Variants in GGNBP2 observed in about 807,000 individuals in gnomAD.
The protein encoded by GGNBP2 is gametogenetin binding protein 2.
A neutral mutation model predicts 85.9 loss-of-function variants in GGNBP2; 10 were observed. That is an observed-to-expected ratio of 0.12 (90% CI 0.07 to 0.20). The LOEUF (loss-of-function observed/expected upper bound fraction) is 0.20, where lower values mean the gene tolerates loss of function less well. Ranked by LOEUF, GGNBP2 falls within the 10% of genes least tolerant of loss-of-function variation. The pLI, the probability that GGNBP2 is intolerant of heterozygous loss-of-function variation, is 1.00. For synonymous variants in GGNBP2, 287 were observed against 285.7 expected (o/e 1.00, Z -0.05); for missense variants, 595 against 857.8 (o/e 0.69, Z 3.83).
At chr17:36,558,536 A>C (rs1045154819) in intron 4 of GGNBP2, among the ~76,000 whole-genome samples, 5 of 149,516 alleles carry the variant, frequency 3.3e-5, no homozygotes, top group African/African-American at 1.2e-4. Flanking sequence ...GCTCACTGCA[A>C]CCACTGCCTC....
chr17:36,572,067 A>T (rs1555606902), intron 6 of GGNBP2, among the ~76,000 whole-genome samples: 1 of 151,808 alleles, frequency 6.6e-6, no homozygotes, highest in Non-Finnish European at 1.5e-5. Flanking sequence ...AAAAAGTTTT[A>T]AAAAAGTCAT....
At chr17:36,587,785 G>T (rs1470475455) in intron 13 of GGNBP2, among the ~76,000 whole-genome samples, 1 of 152,168 alleles carries the variant, frequency 6.6e-6, no homozygotes, top group Non-Finnish European at 1.5e-5. Flanking sequence ...TACCCGGGAG[G>T]CTAAGGCAGG....
intron 7 of GGNBP2, 81 bp from the exon 8 acceptor site, chr17:36,579,164 A>T: frequency 8.1e-7 from 1 of 1,239,538 alleles, no homozygotes. Context: ...CATTGTGTTT[A>T]AAACCTGAAC....
At chr17:36,563,219 T>C (rs2074436999) in intron 5 of GGNBP2, among the ~76,000 whole-genome samples, 1 of 151,962 alleles carries the variant, frequency 6.6e-6, no homozygotes, top group South Asian at 2.1e-4. Flanking sequence ...TGAGCCAAGA[T>C]CGCACCATTG....
chr17:36,576,589 A>ATGTGTGTGTG (rs1375645555), intron 6 of GGNBP2: 1 of 41,406 alleles, frequency 2.4e-5, no homozygotes, highest in African/African-American at 1.1e-4. Flanking sequence ...AAAAAAATAT[A>ATGTGTGTGTG]TATATATGTG....
chr17:36,577,789 A>G (rs888425022), intron 6 of GGNBP2, 194 bp from the exon 7 acceptor site: 3 of 600,606 alleles, frequency 5.0e-6, no homozygotes, highest in Admixed American at 5.8e-5. Context: ...ATAATTTGCC[A>G]ATGAAGGTCT....
chr17:36,551,798 C>T (rs1294928098), intron 2 of GGNBP2, among the ~76,000 whole-genome samples: 1 of 151,944 alleles, frequency 6.6e-6, no homozygotes, highest in African/African-American at 2.4e-5. Context: ...TACTGCACTC[C>T]AGCCTAGGCA....
At chr17:36,578,348 A>T in intron 7 of GGNBP2, 162 bp downstream of exon 7, 2 of 556,774 alleles carry the variant, frequency 3.6e-6, no homozygotes, top group Non-Finnish European at 3.1e-6. Flanking sequence ...GCATTTCTTA[A>T]TTGACTGAAA....
chr17:36,585,257 T>C (rs773674238), intron 9 of GGNBP2, 43 bp from the exon 10 acceptor site: 83 of 1,539,228 alleles, frequency 5.4e-5, no homozygotes, highest in East Asian at 6.8e-5. Flanking sequence ...GTAGCTGTTA[T>C]GGAGTAAAGC....
chr17:36,586,935 TA>T (rs1227604912), intron 12 of GGNBP2, 61 bp from the exon 13 acceptor site: 252 of 1,213,568 alleles, frequency 2.1e-4, no homozygotes, highest in South Asian at 6.6e-4. Context: ...TTTTTTTTTT[TA>T]AAGAATAATT....
intron 12 of GGNBP2, 73 bp from the exon 13 acceptor site, chr17:36,586,917 CTTTTTTT>C: frequency 1.9e-6 from 2 of 1,069,452 alleles, no homozygotes. Flanking sequence ...CCGTGCCCCG[CTTTTTTT>C]TTTTTTTTTT....
chr17:36,574,654 G>T, intron 6 of GGNBP2: 1 of 596,966 alleles, frequency 1.7e-6, no homozygotes, highest in Non-Finnish European at 3.0e-6. Flanking sequence ...GGGCGGCAGT[G>T]TAGCCCCTGG....
At chr17:36,545,453 G>C (rs1331086485) in intron 1 of GGNBP2, 166 bp from the exon 2 acceptor site, 1 of 399,050 alleles carries the variant, frequency 2.5e-6, no homozygotes, top group Non-Finnish European at 4.4e-6. Context: ...CGCGAGGGGG[G>C]CGGGTCCCGG....
rs757500448 is a variant in GGNBP2 at position 36,587,154 on chromosome 17, A to G, written c.1799A>G (p.His600Arg). The G allele has an allele frequency of 8.1e-6, 13 of 1,614,118 alleles. No homozygotes were observed. The highest frequency in any genetic ancestry group is 1.6e-4 in the Middle Eastern group (1 of 6,062). Reference protein sequence around the residue: ...KGGQPLPWFEHRKNVPQFAEP... With the variant: ...KGGQPLPWFERRKNVPQFAEP... ...GGGCAGCCATTGCCTTGGTTTGAGC[A>G]TAGGAAAAATGTACCACAGTTTGCA... is the stretch of plus-strand genomic sequence containing the variant. Residue 600 changes from histidine to arginine, a missense_variant, in exon 13 of 14, where the codon CAT becomes CGT. By Grantham distance (29) the His-to-Arg change is conservative (BLOSUM62 0). This residue lies in a region of GGNBP2 where 120 missense variants were observed against 126.3 expected (regional missense o/e 0.95). Coordinates refer to ENST00000613102, the MANE Select transcript of GGNBP2 (RefSeq NM_024835.5).
At chr17:36,549,791 T>C (rs1417055355) in intron 2 of GGNBP2, among the ~76,000 whole-genome samples, 1 of 152,238 alleles carries the variant, frequency 6.6e-6, no homozygotes, top group Non-Finnish European at 1.5e-5. Flanking sequence ...TAGTTTTTGC[T>C]ATGAATAAAC....
intron 6 of GGNBP2, among the ~76,000 whole-genome samples, chr17:36,574,167 A>G (rs2074553671): frequency 6.6e-6 from 1 of 152,226 alleles, no homozygotes; most frequent in Non-Finnish European, 1.5e-5. Context: ...TAGACCACAT[A>G]TATGACAGTG....
chr17:36,570,297 G>T (rs1038222319), intron 6 of GGNBP2, among the ~76,000 whole-genome samples: 1 of 152,230 alleles, frequency 6.6e-6, no homozygotes, highest in African/African-American at 2.4e-5. Flanking sequence ...AGTATCACTT[G>T]AGCCCAGGAG....
At chr17:36,577,582 G>A (rs1420047386) in intron 6 of GGNBP2, 1 of 209,232 alleles carries the variant, frequency 4.8e-6, no homozygotes, top group South Asian at 6.9e-5. Context: ...TTCAGAGACT[G>A]GAAGGAGAGA....
At chr17:36,578,261 C>A in intron 7 of GGNBP2, 75 bp downstream of exon 7, 2 of 1,096,672 alleles carry the variant, frequency 1.8e-6, no homozygotes, top group Non-Finnish European at 2.7e-6. Flanking sequence ...TTATTTTCAT[C>A]ACCTTCTGCC....
Sources: allele counts gnomAD v4.1 joint callset (sites outside exome capture counted in the v4.1 genomes callset), GRCh38; gene constraint gnomAD v4.1.1; regional missense constraint gnomAD v4.1.1; transcripts MANE v1.5; gene names NCBI Gene and HGNC (gene_info 2026-07-23, HGNC 2026-07-21).